CLSTN2: variants seen among roughly 807,000 people sequenced by gnomAD.
The protein encoded by CLSTN2 is calsyntenin-2.
CLSTN2 carries 48 observed loss-of-function variants against 101.2 expected under a neutral mutation model. The observed-to-expected ratio is 0.47, with a 90% CI of 0.38 to 0.60. CLSTN2 has a LOEUF of 0.60. CLSTN2 is among the 20% of genes least tolerant of loss of function. CLSTN2 has a pLI of 0.00. For missense variants in CLSTN2, 1,160 were observed against 1,238.2 expected (o/e 0.94, Z 0.95); for synonymous variants, 481 against 463.6 (o/e 1.04, Z -0.48).
intron 8 of CLSTN2, among the ~76,000 whole-genome samples, chr3:140,468,682 A>G (rs1933766597): frequency 6.6e-6 from 1 of 152,356 alleles, no homozygotes; most frequent in South Asian, 2.1e-4. Context: ...TCACACAGCA[A>G]ACCGTGGGTA....
chr3:140,264,179 G>A (rs1232198957), intron 2 of CLSTN2, among the ~76,000 whole-genome samples: 3 of 151,674 alleles, frequency 2.0e-5, no homozygotes, highest in Admixed American at 6.6e-5. Context: ...AGTGCCACAT[G>A]TTTTTCACTT....
At chr3:140,059,313 C>A (rs1227779543) in intron 1 of CLSTN2, among the ~76,000 whole-genome samples, 1 of 152,200 alleles carries the variant, frequency 6.6e-6, no homozygotes. Context: ...AGGGGCAGGG[C>A]TTTGTGTTGT....
chr3:140,185,397 C>T (rs539739349), intron 2 of CLSTN2, among the ~76,000 whole-genome samples: 2 of 152,310 alleles, frequency 1.3e-5, no homozygotes, highest in South Asian at 4.2e-4. Context: ...GAAGACTCAA[C>T]AAGCTCCAAG....
chr3:140,405,041 G>A (rs140128889), intron 4 of CLSTN2, among the ~76,000 whole-genome samples: 82 of 152,238 alleles, frequency 5.4e-4, no homozygotes, highest in Non-Finnish European at 9.6e-4. Context: ...TCTAGATACC[G>A]AAGATGGTTG....
intron 2 of CLSTN2, among the ~76,000 whole-genome samples, chr3:140,272,187 G>T (rs1218380005): frequency 6.6e-6 from 1 of 152,110 alleles, no homozygotes; most frequent in African/African-American, 2.4e-5. Flanking sequence ...AGGGATATTG[G>T]GGGAAAAAAC....
intron 2 of CLSTN2, among the ~76,000 whole-genome samples, chr3:140,278,921 A>G (rs530349491): frequency 5.9e-5 from 9 of 152,074 alleles, no homozygotes; most frequent in East Asian, 5.8e-4. Context: ...GGGTCTCACT[A>G]TGTTTCCTGG....
chr3:140,105,125 G>A (rs577864992), intron 1 of CLSTN2, among the ~76,000 whole-genome samples: 8 of 152,362 alleles, frequency 5.3e-5, no homozygotes, highest in Non-Finnish European at 2.9e-5. Flanking sequence ...TAAGAATTGT[G>A]AGAGAGCAAC....
At chr3:140,478,284 CA>C (rs1934030506) in intron 8 of CLSTN2, among the ~76,000 whole-genome samples, 1 of 145,962 alleles carries the variant, frequency 6.9e-6, no homozygotes, top group Admixed American at 7.0e-5. Context: ...CCTATGTCTA[CA>C]AGCACTATTT....
chr3:140,040,049 G>A (rs949245731), intron 1 of CLSTN2, among the ~76,000 whole-genome samples: 1 of 152,210 alleles, frequency 6.6e-6, no homozygotes, highest in African/African-American at 2.4e-5. Flanking sequence ...TATAAGCCAA[G>A]CATTTTACTA....
At chr3:140,028,695 G>A (rs1363429651) in intron 1 of CLSTN2, among the ~76,000 whole-genome samples, 1 of 152,148 alleles carries the variant, frequency 6.6e-6, no homozygotes, top group Admixed American at 6.5e-5. Context: ...GAGAATCCCC[G>A]GCGCCAAGGC....
rs1559795765 is a variant in CLSTN2 at position 140,166,377 on chromosome 3, A to G, written c.110-9574A>G. On this transcript the variant is annotated intron_variant, in intron 1 of 16. Coordinates refer to ENST00000458420, the MANE Select transcript of CLSTN2 (RefSeq NM_022131.3). ...ACCAGCCTGACAATTGGAATAATATATTTACCAGAGTATAGTTAACCTTGT... is the reference window on the plus strand; with the variant it reads ...ACCAGCCTGACAATTGGAATAATATGTTTACCAGAGTATAGTTAACCTTGT... 5.3e-5 allele frequency among the ~76,000 whole-genome samples: 8 copies of G among 152,292 alleles called. No individual in the cohort carries two copies. The South Asian group carries it at 1.7e-3, about 32-fold the overall frequency.
chr3:140,313,188 T>A (rs909392521), intron 2 of CLSTN2, among the ~76,000 whole-genome samples: 1 of 152,274 alleles, frequency 6.6e-6, no homozygotes, highest in East Asian at 1.9e-4. Flanking sequence ...GTGGAACAAA[T>A]TGTTTTACAG....
At chr3:140,396,526 C>T (rs532927403) in intron 2 of CLSTN2, among the ~76,000 whole-genome samples, 63 of 152,246 alleles carry the variant, frequency 4.1e-4, no homozygotes, top group African/African-American at 1.4e-3. Flanking sequence ...TTAATCCTCC[C>T]AATAACCAAT....
intron 1 of CLSTN2, among the ~76,000 whole-genome samples, chr3:140,057,696 T>C (rs545834383): frequency 6.6e-6 from 1 of 152,324 alleles, no homozygotes; most frequent in African/African-American, 2.4e-5. Context: ...TCAGAGCACA[T>C]GAAGAGCACT....
chr3:140,325,307 G>T (rs1163743884), intron 2 of CLSTN2, among the ~76,000 whole-genome samples: 1 of 152,162 alleles, frequency 6.6e-6, no homozygotes, highest in Non-Finnish European at 1.5e-5. Flanking sequence ...CCCAGCAGTG[G>T]GTTCCCACAG....
intron 2 of CLSTN2, among the ~76,000 whole-genome samples, chr3:140,375,703 C>T (rs748363760): frequency 2.6e-5 from 4 of 152,060 alleles, no homozygotes; most frequent in Non-Finnish European, 4.4e-5. Context: ...TTATTTTGGG[C>T]CTTATTTTTA....
intron 1 of CLSTN2, among the ~76,000 whole-genome samples, chr3:139,962,025 T>A (rs944285549): frequency 2.0e-5 from 3 of 152,152 alleles, no homozygotes; most frequent in Non-Finnish European, 4.4e-5. Context: ...TGTACTACAA[T>A]TTATTTGAGC....
intron 1 of CLSTN2, among the ~76,000 whole-genome samples, chr3:139,937,694 A>G (rs1935050740): frequency 6.6e-6 from 1 of 152,170 alleles, no homozygotes; most frequent in South Asian, 2.1e-4. Flanking sequence ...CAATGAGCCG[A>G]GATCGCGCTA....
intron 2 of CLSTN2, among the ~76,000 whole-genome samples, chr3:140,201,808 ATATGTGTGTGTG>A (rs2010720742): frequency 6.6e-6 from 1 of 151,750 alleles, no homozygotes; most frequent in Admixed American, 6.6e-5. Flanking sequence ...ACACACATGT[ATATGTGTGTGTG>A]TATGTGTGTG....
Sources: allele counts gnomAD v4.1 joint callset (sites outside exome capture counted in the v4.1 genomes callset), GRCh38; gene constraint gnomAD v4.1.1; transcripts MANE v1.5; gene names NCBI Gene and HGNC (gene_info 2026-07-23, HGNC 2026-07-21).